WWP1: variants seen among roughly 807,000 people sequenced by gnomAD.
The protein encoded by WWP1 is NEDD4-like E3 ubiquitin-protein ligase WWP1.
In WWP1, 49 loss-of-function variants were observed where a neutral mutation model predicts 130.6. The ratio of observed to expected loss-of-function variants is 0.38; its 90% confidence interval spans 0.30 to 0.48. WWP1 has a LOEUF of 0.48. Ranked by LOEUF, WWP1 falls within the 20% of genes least tolerant of loss-of-function variation. WWP1 has a pLI of 0.99. For synonymous variants in WWP1, 332 were observed against 367.8 expected, an observed-to-expected ratio of 0.90 and a Z score of 1.11; for missense variants, 809 against 1,100.6, an observed-to-expected ratio of 0.74 and a Z score of 3.75.
chr8:86,448,576 G>C, intron 20 of WWP1, 63 bp downstream of exon 20: 2 of 1,470,054 alleles, frequency 1.4e-6, no homozygotes, highest in Admixed American at 2.2e-5. Context: ...TCCTCTCTCT[G>C]TACCCTTAAT....
At chr8:86,414,227 CTGTGTGTG>C (rs35397366) in intron 9 of WWP1, among the ~76,000 whole-genome samples, 1 of 150,946 alleles carries the variant, frequency 6.6e-6, no homozygotes, top group South Asian at 2.1e-4. Context: ...GTTTGTTTTT[CTGTGTGTG>C]TGTGTGTGTG....
intron 1 of WWP1, among the ~76,000 whole-genome samples, chr8:86,352,853 T>C (rs1823019251): frequency 6.6e-6 from 1 of 152,224 alleles, no homozygotes; most frequent in Admixed American, 6.5e-5. Flanking sequence ...CAAAGAGATG[T>C]CCATTAGGCT....
chr8:86,397,173 A>G (rs1465412901), intron 5 of WWP1, among the ~76,000 whole-genome samples: 1 of 152,226 alleles, frequency 6.6e-6, no homozygotes, highest in Non-Finnish European at 1.5e-5. Context: ...AATATAGGAA[A>G]GATCAAAGTT....
intron 8 of WWP1, 101 bp downstream of exon 8, chr8:86,402,304 G>A: frequency 2.2e-6 from 3 of 1,383,296 alleles, no homozygotes; most frequent in South Asian, 3.0e-5. Context: ...TCTTTTTTTT[G>A]AGACGGAGTC....
chr8:86,405,028 A>T (rs1318606960), intron 8 of WWP1: 1 of 152,204 alleles, frequency 6.6e-6, no homozygotes, highest in African/African-American at 2.4e-5. Context: ...TGGCCGGTTT[A>T]CAGAGGCTTC....
intron 1 of WWP1, among the ~76,000 whole-genome samples, chr8:86,356,628 CTA>C (rs1212024992): frequency 6.6e-6 from 1 of 151,892 alleles, no homozygotes; most frequent in Non-Finnish European, 1.5e-5. Context: ...AAAGAAAGCC[CTA>C]TGTTTTTGTC....
chr8:86,450,747 T>G (rs1811130615), intron 20 of WWP1, among the ~76,000 whole-genome samples: 1 of 152,204 alleles, frequency 6.6e-6, no homozygotes, highest in Non-Finnish European at 1.5e-5. Flanking sequence ...CTTGTTTAGT[T>G]GTGATACCTT....
At position 86,435,532 on chromosome 8, in the gene WWP1, TATAGTGGTAAATAAATCTTATACTCA is replaced by T. The variant is rs1563531402; in HGVS notation, c.1677+9_1677+34del. The T allele has an allele frequency of 6.2e-7, 1 of 1,614,146 alleles. No homozygotes were observed. Among genetic ancestry groups the T allele is most frequent in the Non-Finnish European group, 8.5e-7 (1 of 1,179,994 alleles). ...CACTTCCGTTATTTGTGCCAGGTAC[TATAGTGGTAAATAAATCTTATACTCA>T]ATAATTTAGTCTTCTCTTTATACAA... On this transcript the variant is annotated splice_donor_region_variant and intron_variant, in intron 15 of 24. Coordinates refer to ENST00000517970, the MANE Select transcript of WWP1 (RefSeq NM_007013.4).
rs1353228758 is a variant in WWP1, at chr8:86,452,565, G to A, written c.2280G>A (p.Met760Ile). 2 of 1,600,692 alleles carry A rather than the reference G, an allele frequency of 1.2e-6. No individual in the cohort carries two copies. The highest frequency in any genetic ancestry group is 1.7e-6 in the Non-Finnish European group (2 of 1,175,756). ...EENKDEYIGL[M>I]TEWRFSRGVQ... ...ATACCATCTTTATTTTCAGTTTAAT[G>A]ACAGAATGGCGTTTTTCTCGAGGAG... Residue 760 changes from methionine (M) to isoleucine (I), a missense_variant, in exon 21 of 25, where the codon ATG (methionine) becomes ATA (isoleucine). Around this residue, in one of 3 missense-constraint regions of WWP1, gnomAD observed 450 missense variants for 674.2 expected, o/e 0.67. Transcript: ENST00000517970.
intron 10 of WWP1, among the ~76,000 whole-genome samples, 180 bp downstream of exon 10, chr8:86,425,498 A>G (rs1264582869): frequency 6.6e-6 from 1 of 152,206 alleles, no homozygotes; most frequent in Non-Finnish European, 1.5e-5. Context: ...GGCTTCCTCA[A>G]GAGACTGTCA....
chr8:86,431,816 T>G (rs1161483370), intron 14 of WWP1, 73 bp downstream of exon 14: 7 of 1,579,092 alleles, frequency 4.4e-6, no homozygotes, highest in Non-Finnish European at 6.0e-6. Context: ...TAATTTATCC[T>G]CAAGTTTAGC....
Position 86,467,063 on chromosome 8 carries a change from C to CTTTA in WWP1, c.*177_*180dup, listed in dbSNP as rs1812214315. On this transcript the variant is annotated 3_prime_UTR_variant, in exon 25 of 25. Transcript: ENST00000517970. ...ATGCAAAACAGTTCATCCTTTTCTA[C>CTTTA]TTTATTTATTGTTCCCTTGAAATGA... is the stretch of plus-strand genomic sequence containing the variant. 3.8e-5 allele frequency: 20 copies of CTTTA among 528,690 alleles called. No homozygotes were observed. In the South Asian group the frequency reaches 5.1e-4, roughly 14 times the overall value. The allele number at this position is 528,690 out of a possible 1,614,324, so 32.7% of individuals were successfully genotyped here.
chr8:86,372,023 T>TC (rs1330521612), intron 2 of WWP1, among the ~76,000 whole-genome samples: 1 of 136,630 alleles, frequency 7.3e-6, no homozygotes, highest in Non-Finnish European at 1.6e-5. Context: ...TTGTATTTTT[T>TC]TTTTTTTTTT....
intron 11 of WWP1, among the ~76,000 whole-genome samples, chr8:86,429,439 A>C (rs981744681): frequency 6.6e-6 from 1 of 152,180 alleles, no homozygotes; most frequent in African/African-American, 2.4e-5. Context: ...ATATTCATCA[A>C]GATGCATATA....
intron 8 of WWP1, among the ~76,000 whole-genome samples, chr8:86,405,693 G>A (rs899947094): frequency 6.6e-6 from 1 of 152,030 alleles, no homozygotes; most frequent in Non-Finnish European, 1.5e-5. Flanking sequence ...CACCATGCCT[G>A]TCTAATATTA....
At chr8:86,381,687 A>G in intron 5 of WWP1, 58 bp downstream of exon 5, 2 of 1,437,990 alleles carry the variant, frequency 1.4e-6, no homozygotes, top group South Asian at 1.5e-5. Flanking sequence ...CACTTTGAAC[A>G]TATCCTGAAT....
At chr8:86,408,142 C>T (rs891653126) in intron 8 of WWP1, among the ~76,000 whole-genome samples, 1 of 152,168 alleles carries the variant, frequency 6.6e-6, no homozygotes, top group Non-Finnish European at 1.5e-5. Flanking sequence ...TGGAGTCCTA[C>T]AGTGTGGGTA....
intron 2 of WWP1, among the ~76,000 whole-genome samples, chr8:86,369,652 TTC>T (rs1158159881): frequency 6.6e-6 from 1 of 152,176 alleles, no homozygotes; most frequent in Non-Finnish European, 1.5e-5. Context: ...GTAGTTATCT[TTC>T]TGTTTAATTC....
At chr8:86,354,576 A>G (rs1586241755) in intron 1 of WWP1, among the ~76,000 whole-genome samples, 3 of 152,210 alleles carry the variant, frequency 2.0e-5, no homozygotes, top group Non-Finnish European at 4.4e-5. Context: ...TAAAATGCTT[A>G]GGAAGAGTAT....
Sources: gnomAD v4.1 joint callset for allele counts (sites outside exome capture counted in the v4.1 genomes callset) on GRCh38, gnomAD v4.1.1 for gene constraint, gnomAD v4.1.1 regional missense constraint, MANE v1.5 for transcripts, NCBI Gene and HGNC (gene_info 2026-07-23, HGNC 2026-07-21) for gene names.